NCOR2: variants seen among roughly 807,000 people sequenced by gnomAD.
NCOR2 encodes the protein CTG repeat protein 26.
In NCOR2, 81 loss-of-function variants were observed where a neutral mutation model predicts 262.9. The ratio of observed to expected loss-of-function variants is 0.31; its 90% CI spans 0.26 to 0.37. NCOR2 has a LOEUF of 0.37. Ranked by LOEUF, NCOR2 falls within the 10% of genes least tolerant of loss-of-function variation. The pLI, the probability that NCOR2 is intolerant of heterozygous loss-of-function variation, is 1.00. For synonymous variants in NCOR2, 1,659 were observed against 1,559.3 expected (o/e 1.06, Z -1.51); for missense variants, 3,385 against 3,621.4 (o/e 0.93, Z 1.68).
intron 7 of NCOR2, among the ~76,000 whole-genome samples, chr12:124,446,586 T>C (rs1477448027): frequency 6.6e-6 from 1 of 152,156 alleles, no homozygotes; most frequent in Non-Finnish European, 1.5e-5. Flanking sequence ...AGCCAGCTGC[T>C]GCTCAGCCTA....
At chr12:124,497,071 G>C (rs1310225402), upstream of NCOR2, among the ~76,000 whole-genome samples, 1 of 152,212 alleles carries the variant, frequency 6.6e-6, no homozygotes, top group East Asian at 1.9e-4. The surrounding 1 kb of genome is among the most constrained non-coding windows in gnomAD (Gnocchi z 4.2). Context: ...CTTCATTAGG[G>C]GAGCCAGGGC....
intron 40 of NCOR2, chr12:124,334,895 TG>T: frequency 1.6e-6 from 1 of 639,840 alleles, no homozygotes; most frequent in Non-Finnish European, 2.7e-6. Context: ...TCATTGCCCG[TG>T]AAGATGCCAT....
At chr12:124,343,224 T>A in exon 33 of NCOR2, 1 of 1,607,988 alleles carries the variant, frequency 6.2e-7, no homozygotes, top group Non-Finnish European at 8.5e-7. Context: ...GACGAAAGGC[T>A]GCCTGTGGAC....
At chr12:124,344,744 C>T (rs1295146759) in exon 32 of NCOR2, 7 of 1,546,254 alleles carry the variant, frequency 4.5e-6, no homozygotes, top group Non-Finnish European at 6.1e-6. Flanking sequence ...GCGCCGCGCG[C>T]AATGGAGCCC....
intron 3 of NCOR2, among the ~76,000 whole-genome samples, chr12:124,476,725 G>C (rs1035208152): frequency 6.6e-6 from 1 of 152,132 alleles, no homozygotes; most frequent in African/African-American, 2.4e-5. Context: ...TTCGGGTTTA[G>C]CTTTTATTCG....
chr12:124,425,156 C>T (rs929862774), intron 11 of NCOR2, among the ~76,000 whole-genome samples: 19 of 152,280 alleles, frequency 1.2e-4, no homozygotes, highest in East Asian at 9.6e-4. Flanking sequence ...GGGCGGATCA[C>T]GAGGTCAGGA....
chr12:124,361,693 G>T (rs1475862562), intron 22 of NCOR2, among the ~76,000 whole-genome samples: 1 of 152,246 alleles, frequency 6.6e-6, no homozygotes, highest in Non-Finnish European at 1.5e-5. Context: ...CCCCATCTGT[G>T]ATTCCAGAAG....
chr12:124,393,849 C>G (rs1275763198), intron 16 of NCOR2, among the ~76,000 whole-genome samples: 1 of 152,260 alleles, frequency 6.6e-6, no homozygotes, highest in African/African-American at 2.4e-5. Flanking sequence ...AAGCTTCCAG[C>G]AGTGCCCAGC....
chr12:124,441,406 T>C (rs1183801977), intron 7 of NCOR2, among the ~76,000 whole-genome samples: 3 of 152,176 alleles, frequency 2.0e-5, no homozygotes, highest in African/African-American at 7.2e-5. Context: ...CACGAGTCCA[T>C]GTGATTACAA....
intron 20 of NCOR2, among the ~76,000 whole-genome samples, chr12:124,370,481 G>A (rs2039409185): frequency 2.0e-5 from 3 of 152,144 alleles, no homozygotes; most frequent in African/African-American, 4.8e-5. Flanking sequence ...TTCCTCCCTC[G>A]CTTGCTCTGC....
Position 124,400,688 on chromosome 12 carries a change from G to T in NCOR2, c.1641-15C>A. ...CTGTCTTCTCCCTACAGGCCAGAGA[G>T]GGGAGATAGGATGGCTTCACCCGAG... On this transcript the variant is annotated splice_polypyrimidine_tract_variant and intron_variant, in intron 14 of 46. Transcript: ENST00000405201. 6.2e-7 allele frequency: 1 copy of T among 1,611,548 alleles called. No homozygotes were observed. Among genetic ancestry groups the T allele is most frequent in the Non-Finnish European group, 8.5e-7 (1 of 1,177,970 alleles).
At chr12:124,358,719 G>A (rs1566392519) in intron 22 of NCOR2, among the ~76,000 whole-genome samples, 1 of 152,234 alleles carries the variant, frequency 6.6e-6, no homozygotes, top group South Asian at 2.1e-4. Flanking sequence ...GCGGTTGTGC[G>A]CTGGCTGGCT....
At chr12:124,374,304 C>T in intron 19 of NCOR2, 109 bp downstream of exon 21, 3 of 1,143,530 alleles carry the variant, frequency 2.6e-6, no homozygotes, top group Non-Finnish European at 3.8e-6. Flanking sequence ...GTGGCGCTCA[C>T]AGAAAGAGGC....
At chr12:124,519,256 T>A (rs1399941837) in intron 1 of NCOR2, among the ~76,000 whole-genome samples, 1 of 152,130 alleles carries the variant, frequency 6.6e-6, no homozygotes, top group East Asian at 1.9e-4. Flanking sequence ...AGGGGCAGGC[T>A]GAGCTCTGCT....
intron 1 of NCOR2, among the ~76,000 whole-genome samples, chr12:124,524,319 C>T (rs1331261746): frequency 6.6e-6 from 1 of 152,252 alleles, no homozygotes; most frequent in Non-Finnish European, 1.5e-5. Flanking sequence ...CTGACTCACT[C>T]ACTCCTTTCC....
intron 31 of NCOR2, among the ~76,000 whole-genome samples, chr12:124,345,726 C>G (rs987615867): frequency 6.6e-6 from 1 of 152,202 alleles, no homozygotes; most frequent in Non-Finnish European, 1.5e-5. Context: ...AGAGCCAAAC[C>G]CTTCCCCTGG....
intron 12 of NCOR2, among the ~76,000 whole-genome samples, chr12:124,420,464 T>C (rs749348165): frequency 2.0e-5 from 3 of 152,020 alleles, no homozygotes; most frequent in Admixed American, 6.5e-5. Flanking sequence ...TCCCCAAACA[T>C]AGGTCCGGGT....
At position 124,457,816 on chromosome 12, in the gene NCOR2, G is replaced by A. The variant is rs1326182989; in HGVS notation, c.706-654C>T. Among the ~76,000 whole-genome samples, 2 of 152,138 alleles carry A rather than the reference G, an allele frequency of 1.3e-5. No homozygotes were observed. Among genetic ancestry groups the A allele is most frequent in the Non-Finnish European group, 2.9e-5 (2 of 68,010 alleles). Reference sequence around the variant, plus strand: ...CCTCCGGGCCCCCACCCCGGCCCTCGGTGTGAAGGCAGACATTGTGCCTCG... The same window carrying A: ...CCTCCGGGCCCCCACCCCGGCCCTCAGTGTGAAGGCAGACATTGTGCCTCG... On this transcript the variant is annotated intron_variant, in intron 5 of 46. Transcript: ENST00000405201. This position sits in a 1 kb window ranked among gnomAD's most constrained non-coding sequence, Gnocchi z 4.0.
chr12:124,360,375 C>T (rs11831370), intron 22 of NCOR2, among the ~76,000 whole-genome samples: 63,488 of 152,128 alleles, frequency 0.42, 13,834 homozygotes, highest in South Asian at 0.52. Context: ...ACTCCCGATG[C>T]GCCCTTCCTT....
Sources: gnomAD v4.1 joint callset for allele counts (sites outside exome capture counted in the v4.1 genomes callset) on GRCh38, gnomAD v4.1.1 for gene constraint, Gnocchi (gnomAD v3.1) non-coding constraint, MANE v1.5 for transcripts, NCBI Gene and HGNC (gene_info 2026-07-23, HGNC 2026-07-21) for gene names.